The following IMMP2L variants were observed in gnomAD, a reference collection of about 807,000 sequenced individuals.
IMMP2L encodes the protein inner mitochondrial membrane peptidase subunit 2.
A neutral mutation model predicts 19.3 loss-of-function variants in IMMP2L; 18 were observed. That is an observed-to-expected ratio of 0.93 (90% CI 0.64 to 1.38). The LOEUF is 1.38. Among genes scored for constraint, IMMP2L ranks in the 40% most tolerant of loss-of-function variants. The pLI is 0.00. For synonymous variants in IMMP2L, 76 were observed against 73.0 expected (o/e 1.04, Z -0.21); for missense variants, 233 against 218.2 (o/e 1.07, Z -0.43).
chr7:111,450,851 A>T (rs1839075046), intron 3 of IMMP2L, among the ~76,000 whole-genome samples: 3 of 150,114 alleles, frequency 2.0e-5, no homozygotes, highest in South Asian at 4.2e-4. Flanking sequence ...ATGAACTCAA[A>T]CAAATTTACA....
chr7:111,081,578 T>C (rs1475563065), intron 3 of IMMP2L, among the ~76,000 whole-genome samples: 1 of 152,222 alleles, frequency 6.6e-6, no homozygotes, highest in Non-Finnish European at 1.5e-5. Flanking sequence ...ATAGACTCTT[T>C]TGCAGGCAAG....
At position 111,123,914 on chromosome 7, in the gene IMMP2L, T is replaced by G; in HGVS notation, c.240-160349A>C. ...GACTGTGTCATCCGTTGGATGAACA[T>G]GAACAAAACCAACATTCGATTCATG... On this transcript the variant is annotated intron_variant, in intron 3 of 5. Transcript: ENST00000405709. The surrounding 1 kb of genome is among the most constrained non-coding windows in gnomAD (Gnocchi z 6.4). The G allele has an allele frequency of 6.2e-7, 1 of 1,614,012 alleles. No individual in the cohort carries two copies. The highest frequency in any genetic ancestry group is 8.5e-7 in the Non-Finnish European group (1 of 1,179,998).
At chr7:111,493,531 T>C (rs994955933) in intron 2 of IMMP2L, among the ~76,000 whole-genome samples, 1 of 148,904 alleles carries the variant, frequency 6.7e-6, no homozygotes, top group African/African-American at 2.5e-5. Context: ...TGAAACCCCG[T>C]CTCTACCAAA....
chr7:111,160,862 A>G (rs914564676), intron 3 of IMMP2L, among the ~76,000 whole-genome samples: 1 of 151,320 alleles, frequency 6.6e-6, no homozygotes, highest in African/African-American at 2.4e-5. Flanking sequence ...ACTTCTGACG[A>G]GTTTGAAAAA....
At chr7:111,170,682 C>T (rs916692353) in intron 3 of IMMP2L, among the ~76,000 whole-genome samples, 1 of 151,790 alleles carries the variant, frequency 6.6e-6, no homozygotes, top group Non-Finnish European at 1.5e-5. Flanking sequence ...TATCATCTCC[C>T]TAGCTCCCAG....
At chr7:111,506,917 T>C (rs1844966543) in intron 2 of IMMP2L, among the ~76,000 whole-genome samples, 2 of 151,718 alleles carry the variant, frequency 1.3e-5, no homozygotes, top group South Asian at 2.1e-4. Context: ...TCTTGGTTTA[T>C]TGCAACCTCT....
At chr7:111,177,468 A>G (rs1290199367) in intron 3 of IMMP2L, among the ~76,000 whole-genome samples, 1 of 152,066 alleles carries the variant, frequency 6.6e-6, no homozygotes, top group East Asian at 1.9e-4. Flanking sequence ...GGCATTAGCC[A>G]TTGTGCCCGG....
At position 111,562,084 on chromosome 7, in the gene IMMP2L, G is replaced by C. The variant is rs1008226879; in HGVS notation, c.-236C>G. The C allele has an allele frequency of 6.6e-6, 1 of 152,336 alleles. No individual in the cohort carries two copies. Among genetic ancestry groups the C allele is most frequent in the South Asian group, 2.1e-4 (1 of 4,836 alleles). 9.4% of individuals were successfully genotyped at this position (152,336 alleles called of 1,614,324 possible). A position where few individuals can be genotyped will look rare whatever the true frequency, so the allele number is the denominator to read the frequency against. ...GGGGCCGGACTAGGCCCCTTTGTGA[G>C]GACTGGGAGAGGGCGCGTTGTTGGG... On this transcript the variant is annotated 5_prime_UTR_variant, in exon 1 of 6. Coordinates refer to ENST00000405709, the MANE Select transcript of IMMP2L (RefSeq NM_032549.4).
At chr7:111,226,682 G>T (rs760147440) in intron 3 of IMMP2L, among the ~76,000 whole-genome samples, 79 of 152,048 alleles carry the variant, frequency 5.2e-4, no homozygotes, top group Non-Finnish European at 9.0e-4. Context: ...ATAGCTAATT[G>T]TGAAGTGAAA....
At chr7:111,019,420 G>T (rs1409307475) in intron 3 of IMMP2L, among the ~76,000 whole-genome samples, 3 of 152,146 alleles carry the variant, frequency 2.0e-5, no homozygotes, top group Admixed American at 2.0e-4. Flanking sequence ...CCGCAGCAGG[G>T]AAACTGCAGT....
At chr7:111,222,737 A>C (rs2129620997) in intron 3 of IMMP2L, among the ~76,000 whole-genome samples, 1 of 152,188 alleles carries the variant, frequency 6.6e-6, no homozygotes, top group East Asian at 1.9e-4. Context: ...TAAGTGTATA[A>C]AATAGCAAAA....
chr7:111,119,497 G>T (rs1800319607), intron 3 of IMMP2L, among the ~76,000 whole-genome samples: 1 of 152,150 alleles, frequency 6.6e-6, no homozygotes, highest in African/African-American at 2.4e-5. Context: ...AGATATAATA[G>T]ATTAACTTTT....
chr7:111,148,865 T>C (rs769553248), intron 3 of IMMP2L, among the ~76,000 whole-genome samples: 1 of 152,066 alleles, frequency 6.6e-6, no homozygotes, highest in Non-Finnish European at 1.5e-5. Context: ...TTCCTCTAAG[T>C]GCTTCATGTG....
intron 4 of IMMP2L, among the ~76,000 whole-genome samples, chr7:110,957,733 T>G (rs1430762803): frequency 6.6e-6 from 1 of 151,912 alleles, no homozygotes; most frequent in East Asian, 1.9e-4. Flanking sequence ...GTTTGAACTC[T>G]CCTTTCCTCA....
At chr7:111,096,276 G>C (rs1450278846) in intron 3 of IMMP2L, among the ~76,000 whole-genome samples, 1 of 151,702 alleles carries the variant, frequency 6.6e-6, no homozygotes, top group Admixed American at 6.6e-5. Flanking sequence ...GAGGTGCAAG[G>C]GTCTCTGACT....
At chr7:111,166,877 T>C (rs900576350) in intron 3 of IMMP2L, among the ~76,000 whole-genome samples, 2 of 152,040 alleles carry the variant, frequency 1.3e-5, no homozygotes, top group Non-Finnish European at 1.5e-5. Flanking sequence ...TAAAGATACC[T>C]GTCATTTGAT....
intron 3 of IMMP2L, among the ~76,000 whole-genome samples, chr7:111,472,427 A>G (rs1458589437): frequency 6.6e-6 from 1 of 152,178 alleles, no homozygotes; most frequent in Non-Finnish European, 1.5e-5. Flanking sequence ...AAATATAGCT[A>G]TAGTATATGA....
chr7:110,903,552 G>A (rs2129547470), intron 4 of IMMP2L, among the ~76,000 whole-genome samples: 1 of 152,182 alleles, frequency 6.6e-6, no homozygotes, highest in African/African-American at 2.4e-5. Flanking sequence ...TTAGCATAAT[G>A]TCCTCAAGTT....
At position 110,803,391 on chromosome 7, in the gene IMMP2L, T is replaced by G. The variant is rs1801395771; in HGVS notation, c.408+83202A>C. On this transcript the variant is annotated intron_variant, in intron 5 of 5. Coordinates refer to ENST00000405709, the MANE Select transcript of IMMP2L (RefSeq NM_032549.4). This position sits in a 1 kb window ranked among gnomAD's most constrained non-coding sequence, Gnocchi z 4.2. ...ATCTGCCATAGAGAGACACTGAGTG[T>G]GGAATCATTACTGTTGCAGTATGGG... 6.6e-6 allele frequency among the ~76,000 whole-genome samples: 1 copy of G among 151,942 alleles called. No homozygotes were observed. Among genetic ancestry groups the G allele is most frequent in the African/African-American group, 2.4e-5 (1 of 41,386 alleles).
Sources: allele counts gnomAD v4.1 joint callset (sites outside exome capture counted in the v4.1 genomes callset), GRCh38; gene constraint gnomAD v4.1.1; non-coding constraint Gnocchi (gnomAD v3.1); transcripts MANE v1.5; gene names NCBI Gene and HGNC (gene_info 2026-07-23, HGNC 2026-07-21).